The following ANKHD1 variants were observed in gnomAD, a reference collection of about 807,000 sequenced individuals.
The protein encoded by ANKHD1 is ankyrin repeat and KH domain containing 1, also known as ankyrin repeat and KH domain-containing protein 1.
ANKHD1 carries 31 observed loss-of-function variants against 230.5 expected under a neutral mutation model. The ratio of observed to expected loss-of-function variants is 0.13; its 90% CI spans 0.10 to 0.18. ANKHD1 has a LOEUF of 0.18. ANKHD1 is among the 10% of genes least tolerant of loss of function. The pLI, the probability that ANKHD1 is intolerant of heterozygous loss-of-function variation, is 1.00. For missense variants in ANKHD1, 2,256 were observed against 3,071.3 expected, an observed-to-expected ratio of 0.73 and a Z score of 6.27; for synonymous variants, 1,074 against 1,117.6, an observed-to-expected ratio of 0.96 and a Z score of 0.78.
At chr5:140,504,731 G>A (rs1752473071) in intron 15 of ANKHD1, 90 bp from the exon 16 acceptor site, 1 of 1,509,710 alleles carries the variant, frequency 6.6e-7, no homozygotes, top group Admixed American at 2.2e-5. Context: ...ACATATTACT[G>A]CTATGGAAAT....
intron 15 of ANKHD1, among the ~76,000 whole-genome samples, chr5:140,499,505 A>G (rs1752182150): frequency 6.6e-6 from 1 of 152,196 alleles, no homozygotes; most frequent in Non-Finnish European, 1.5e-5. Flanking sequence ...TGATAACAGT[A>G]CATTTTACTT....
In ANKHD1 at chr5:140,527,005, T is replaced by A. The variant is rs370550377; in HGVS notation, c.5018T>A (p.Ile1673Lys). The A allele has an allele frequency of 5.0e-5, 80 of 1,613,628 alleles. No individual in the cohort carries two copies. The highest frequency in any genetic ancestry group is 5.9e-5 in the Non-Finnish European group (70 of 1,179,852). ...TVSLPLSSPN[I>K]KLNLTSPKRG... is the part of the protein sequence containing the mutation. Reference sequence around the variant, plus strand: ...TCATTGCCATTAAGCTCTCCAAACATAAAGCTGAATCTCACTAGCCCTAAA... The same window carrying A: ...TCATTGCCATTAAGCTCTCCAAACAAAAAGCTGAATCTCACTAGCCCTAAA... Residue 1673 changes from isoleucine to lysine, a missense_variant, in exon 27 of 34, where the codon ATA (isoleucine) becomes AAA (lysine). Physicochemically the swap from Ile to Lys is moderately radical, Grantham distance 102 (BLOSUM62 -3). Transcript: ENST00000360839. The surrounding 1 kb of genome is among the most constrained non-coding windows in gnomAD (Gnocchi z 4.5).
In ANKHD1 at chr5:140,427,640, CG is replaced by C. The variant is rs1469862817; in HGVS notation, c.307-8458del. On this transcript the variant is annotated intron_variant, in intron 1 of 33. Transcript: ENST00000360839. ...CTCCCGGACGGGGCGGCTGGCCGGG[CG>C]GGGGGCTGACCCCCCCACCTCCCTC... 1.5e-4 allele frequency among the ~76,000 whole-genome samples: 21 copies of C among 143,274 alleles called. No homozygotes were observed. In the East Asian group the frequency reaches 3.5e-3, roughly 24 times the overall value. 94.0% of individuals were successfully genotyped at this position (143,274 alleles called of 152,430 possible).
At chr5:140,520,837 G>A (rs1207393580) in intron 24 of ANKHD1, among the ~76,000 whole-genome samples, 3 of 148,594 alleles carry the variant, frequency 2.0e-5, no homozygotes, top group East Asian at 2.0e-4. Flanking sequence ...GCTAGATGAC[G>A]AGTTAATGGG....
In ANKHD1 at chr5:140,482,580, G is replaced by T; in HGVS notation, c.1783G>T (p.Glu595Ter). The T allele has an allele frequency of 6.2e-7, 1 of 1,611,946 alleles. No individual in the cohort carries two copies. The highest frequency in any genetic ancestry group is 1.1e-5 in the South Asian group (1 of 90,974). The change falls in exon 11 of 34, where the codon GAA becomes TAA. Residue 595 changes from glutamate to a stop codon, truncating the protein, a stop_gained and splice_region_variant. Transcript: ENST00000360839. LOFTEE classifies it high-confidence loss of function. ...ATTATTTTTTCCATTTCTTTAACAG[G>T]AACATGAATCTGAAGGTGGAAGAAC... Reference protein sequence around the residue: ...DVLLQAGADLEHESEGGRTPL... With the variant: ...DVLLQAGADL
chr5:140,487,470 G>A (rs1426050310), intron 14 of ANKHD1, among the ~76,000 whole-genome samples: 2 of 152,138 alleles, frequency 1.3e-5, no homozygotes, highest in Non-Finnish European at 1.5e-5. Context: ...TGAGTGAGAA[G>A]TTTAAGAATT....
intron 1 of ANKHD1, among the ~76,000 whole-genome samples, chr5:140,407,139 C>G (rs1770529273): frequency 6.6e-6 from 1 of 151,698 alleles, no homozygotes; most frequent in African/African-American, 2.4e-5. Context: ...TACTAAAAAA[C>G]AAAAATTAGG....
In ANKHD1 at chr5:140,425,872, T is replaced by A. The variant is rs868392970; in HGVS notation, c.307-10232T>A. 4.6e-5 allele frequency among the ~76,000 whole-genome samples: 7 copies of A among 152,176 alleles called. No homozygotes were observed. In the South Asian group the frequency reaches 6.2e-4, roughly 13 times the overall value. ...TGTGTTTTGCAAAAAGGAATTGTTATGTCCTTCAGTAATTACTTCTTGGAA... is the reference window on the plus strand; with the variant it reads ...TGTGTTTTGCAAAAAGGAATTGTTAAGTCCTTCAGTAATTACTTCTTGGAA... On this transcript the variant is annotated intron_variant, in intron 1 of 33. Coordinates refer to ENST00000360839, the MANE Select transcript of ANKHD1 (RefSeq NM_017747.3).
intron 14 of ANKHD1, among the ~76,000 whole-genome samples, chr5:140,490,669 G>A (rs755765331): frequency 6.6e-6 from 1 of 152,196 alleles, no homozygotes; most frequent in Non-Finnish European, 1.5e-5. Context: ...TCTACAGAAA[G>A]ATTCATTTTG....
At chr5:140,532,859 G>A (rs1291812190) in intron 29 of ANKHD1, 1 of 398,356 alleles carries the variant, frequency 2.5e-6, no homozygotes, top group Non-Finnish European at 5.0e-6. Flanking sequence ...TGTGCTGGGA[G>A]GCTGAGTTGG....
chr5:140,523,573 T>C (rs1753462759), intron 24 of ANKHD1, among the ~76,000 whole-genome samples: 1 of 151,876 alleles, frequency 6.6e-6, no homozygotes, highest in Admixed American at 6.6e-5. Flanking sequence ...TACTTTTTTT[T>C]TTTTTTTGAG....
chr5:140,442,170 G>T (rs956363623), intron 5 of ANKHD1, among the ~76,000 whole-genome samples: 2 of 150,540 alleles, frequency 1.3e-5, no homozygotes, highest in Non-Finnish European at 2.9e-5. Context: ...TTCCCAAGTA[G>T]CTGGGATTAC....
At chr5:140,423,338 A>C (rs1772145631) in intron 1 of ANKHD1, among the ~76,000 whole-genome samples, 1 of 152,204 alleles carries the variant, frequency 6.6e-6, no homozygotes, top group Non-Finnish European at 1.5e-5. Flanking sequence ...AAGATACCAA[A>C]TTCAATGTGT....
chr5:140,481,564 C>T (rs1208804314), intron 10 of ANKHD1, among the ~76,000 whole-genome samples: 1 of 151,822 alleles, frequency 6.6e-6, no homozygotes, highest in South Asian at 2.1e-4. Flanking sequence ...CTACTCATTT[C>T]TTATTGTTGT....
chr5:140,427,054 G>T, intron 1 of ANKHD1, among the ~76,000 whole-genome samples: 1 of 151,872 alleles, frequency 6.6e-6, no homozygotes, highest in East Asian at 1.9e-4. Context: ...ACGGGGTGGT[G>T]GCCGGGCGGA....
chr5:140,417,587 A>G (rs1273836328), intron 1 of ANKHD1, among the ~76,000 whole-genome samples: 1 of 151,676 alleles, frequency 6.6e-6, no homozygotes, highest in Non-Finnish European at 1.5e-5. Flanking sequence ...TATAGCTGGG[A>G]CTATAGGTGC....
intron 1 of ANKHD1, among the ~76,000 whole-genome samples, chr5:140,428,862 A>G (rs1282769957): frequency 6.6e-6 from 1 of 151,744 alleles, no homozygotes; most frequent in Non-Finnish European, 1.5e-5. Flanking sequence ...GGCTCACTGC[A>G]ACCTCTGCTG....
At chr5:140,515,436 T>C (rs1393885339) in intron 24 of ANKHD1, among the ~76,000 whole-genome samples, 1 of 152,206 alleles carries the variant, frequency 6.6e-6, no homozygotes, top group Non-Finnish European at 1.5e-5. Flanking sequence ...AATTAAAGAC[T>C]ATCCAGAAAA....
chr5:140,465,368 A>G (rs1019933), intron 10 of ANKHD1, among the ~76,000 whole-genome samples: 91,133 of 152,004 alleles, frequency 0.6, 29,276 homozygotes, highest in East Asian at 0.83. Flanking sequence ...TGGTTTTTCA[A>G]AATTTCAAAT....
Sources: allele counts gnomAD v4.1 joint callset (sites outside exome capture counted in the v4.1 genomes callset), GRCh38; gene constraint gnomAD v4.1.1; non-coding constraint Gnocchi (gnomAD v3.1); transcripts MANE v1.5; gene names NCBI Gene and HGNC (gene_info 2026-07-23, HGNC 2026-07-21).